PTPRR: variants seen among roughly 807,000 people sequenced by gnomAD.
The protein encoded by PTPRR is receptor-type tyrosine-protein phosphatase R.
PTPRR carries 38 observed loss-of-function variants against 77.2 expected under a neutral mutation model. That is an observed-to-expected ratio of 0.49 (90% CI 0.38 to 0.65). PTPRR has a LOEUF of 0.65. PTPRR is among the 30% of genes least tolerant of loss of function. The probability of loss-of-function intolerance (pLI) is 0.00; values close to 1 mark genes in which losing one functional copy is unlikely to be tolerated. For missense variants in PTPRR, 744 were observed against 799.2 expected, an observed-to-expected ratio of 0.93 and a Z score of 0.83; for synonymous variants, 299 against 283.1, an observed-to-expected ratio of 1.06 and a Z score of -0.57.
At position 70,745,918 on chromosome 12, in the gene PTPRR, C is replaced by G; in HGVS notation, c.907G>C (p.Val303Leu). The change falls in exon 6 of 14, where the codon GTG becomes CTG. Residue 303 changes from valine (V) to leucine (L), a missense_variant. By Grantham distance (32) the Val-to-Leu change is conservative (BLOSUM62 1). Around this residue, in one of 3 missense-constraint regions of PTPRR, gnomAD observed 570 missense variants for 573.2 expected, o/e 0.99. Transcript: ENST00000283228. ...EQAPKVLNVV[V>L]DPQGRGAPEI... ...GGAGCACCTCGGCCTTGAGGGTCCA[C>G]GACAACATTCAGTACCTTTGGGGCC... 1.2e-6 allele frequency: 2 copies of G among 1,613,908 alleles called. No homozygotes were observed. The highest frequency in any genetic ancestry group is 4.5e-5 in the East Asian group (2 of 44,878).
intron 2 of PTPRR, among the ~76,000 whole-genome samples, chr12:70,868,301 T>TA (rs1892895120): frequency 6.6e-6 from 1 of 151,170 alleles, no homozygotes; most frequent in South Asian, 2.1e-4. Flanking sequence ...GACAAAGGGC[T>TA]AATATCCAGA....
At chr12:70,695,548 A>G (rs1201684232) in intron 8 of PTPRR, among the ~76,000 whole-genome samples, 2 of 152,188 alleles carry the variant, frequency 1.3e-5, no homozygotes, top group Admixed American at 6.5e-5. Flanking sequence ...TGTGAACGGA[A>G]AAACTGACAC....
intron 6 of PTPRR, among the ~76,000 whole-genome samples, chr12:70,706,239 C>A (rs952637565): frequency 1.3e-5 from 2 of 151,990 alleles, no homozygotes; most frequent in Admixed American, 6.6e-5. Flanking sequence ...GTAAATTATA[C>A]ATAGTACCAA....
chr12:70,644,568 T>C (rs752555956), intron 13 of PTPRR, among the ~76,000 whole-genome samples: 10 of 152,262 alleles, frequency 6.6e-5, no homozygotes, highest in Non-Finnish European at 1.2e-4. Context: ...CAATAGTTCC[T>C]ACTTTATAGC....
intron 2 of PTPRR, among the ~76,000 whole-genome samples, chr12:70,798,487 C>G (rs994685622): frequency 9.9e-5 from 15 of 152,214 alleles, no homozygotes; most frequent in Admixed American, 5.2e-4. Context: ...GCTTTTACAA[C>G]AGGCTCCACA....
intron 3 of PTPRR, among the ~76,000 whole-genome samples, chr12:70,763,821 A>G (rs553889112): frequency 1.3e-5 from 2 of 152,262 alleles, no homozygotes; most frequent in Admixed American, 1.3e-4. Flanking sequence ...TTACAGAAAG[A>G]CAGTCATCTG....
chr12:70,873,630 TC>T (rs1892999311), intron 2 of PTPRR, among the ~76,000 whole-genome samples: 1 of 152,146 alleles, frequency 6.6e-6, no homozygotes, highest in Non-Finnish European at 1.5e-5. Flanking sequence ...AAGACTAGCT[TC>T]CCTGGGAGAG....
chr12:70,839,317 A>ATGTGTG (rs71817615), intron 2 of PTPRR, among the ~76,000 whole-genome samples: 37 of 150,180 alleles, frequency 2.5e-4, no homozygotes, highest in African/African-American at 6.8e-4. Context: ...TATTCTGGAT[A>ATGTGTG]TGTGTGTGTG....
At chr12:70,821,213 C>CTTGTTTTTTTTTTTTTTTTTTTTTTTT in intron 2 of PTPRR, among the ~76,000 whole-genome samples, 1 of 31,990 alleles carries the variant, frequency 3.1e-5, no homozygotes, top group East Asian at 2.3e-3. Flanking sequence ...GGGATCACTG[C>CTTGTTTTTTTTTTTTTTTTTTTTTTTT]TTTTTTTTTT....
intron 4 of PTPRR, among the ~76,000 whole-genome samples, chr12:70,760,926 A>G (rs1592739216): frequency 6.6e-6 from 1 of 152,170 alleles, no homozygotes. Flanking sequence ...AAAAGCGACA[A>G]ATTTGGAAAA....
chr12:70,753,780 A>G (rs1274898061), intron 5 of PTPRR, among the ~76,000 whole-genome samples: 1 of 152,166 alleles, frequency 6.6e-6, no homozygotes, highest in Non-Finnish European at 1.5e-5. Flanking sequence ...TTCCTTAGGG[A>G]GTAATCTTGT....
intron 10 of PTPRR, among the ~76,000 whole-genome samples, chr12:70,677,183 T>C (rs971369861): frequency 6.6e-6 from 1 of 152,192 alleles, no homozygotes; most frequent in African/African-American, 2.4e-5. Flanking sequence ...GTAGCAATTG[T>C]AAATGGAATT....
chr12:70,698,215 C>G lies in PTPRR; in HGVS notation c.1279+50G>C, dbSNP rs775245519. On this transcript the variant is annotated intron_variant, in intron 8 of 13. Coordinates refer to ENST00000283228, the MANE Select transcript of PTPRR (RefSeq NM_002849.4). Reference sequence around the variant, plus strand: ...ATTAGGTATTTCTCCTAATGGCTATCCCTCCCCTTGCCCCCCATACAATGC... The same window carrying G: ...ATTAGGTATTTCTCCTAATGGCTATGCCTCCCCTTGCCCCCCATACAATGC... The G allele has an allele frequency of 4.0e-6, 6 of 1,505,192 alleles. No homozygotes were observed. In the Admixed American group the frequency reaches 1.0e-4, roughly 25 times the overall value. The allele number at this position is 1,505,192 out of a possible 1,614,324, so 93.2% of individuals were successfully genotyped here.
At position 70,658,957 on chromosome 12, in the gene PTPRR, C is replaced by A. The variant is rs190614340; in HGVS notation, c.1766+1983G>T. Reference sequence around the variant, plus strand: ...CTCTGTCGCACAGGCTGCTGAAATACAGTGGCGGGATCTTGACTCACTGCA... The same window carrying A: ...CTCTGTCGCACAGGCTGCTGAAATAAAGTGGCGGGATCTTGACTCACTGCA... On this transcript the variant is annotated intron_variant, in intron 12 of 13. Coordinates refer to ENST00000283228, the MANE Select transcript of PTPRR (RefSeq NM_002849.4). 1.1e-4 allele frequency among the ~76,000 whole-genome samples: 14 copies of A among 122,666 alleles called. No individual in the cohort carries two copies. The East Asian group carries it at 3.9e-3, about 34-fold the overall frequency. The allele number at this position is 122,666 out of a possible 152,430, so 80.5% of individuals were successfully genotyped here. A position where few individuals can be genotyped will look rare whatever the true frequency, so the allele number is the denominator to read the frequency against.
intron 2 of PTPRR, among the ~76,000 whole-genome samples, chr12:70,874,519 CAA>C (rs1264333014): frequency 6.6e-6 from 1 of 152,018 alleles, no homozygotes; most frequent in Non-Finnish European, 1.5e-5. Flanking sequence ...GTCACAAAAA[CAA>C]AGAGTGATTC....
chr12:70,677,138 T>C (rs1887479668), intron 10 of PTPRR, among the ~76,000 whole-genome samples: 1 of 152,156 alleles, frequency 6.6e-6, no homozygotes, highest in East Asian at 1.9e-4. Flanking sequence ...TTCACCTCTT[T>C]GGTTAGATTT....
chr12:70,747,509 A>G (rs572028242), intron 5 of PTPRR, among the ~76,000 whole-genome samples: 1 of 152,342 alleles, frequency 6.6e-6, no homozygotes, highest in Admixed American at 6.5e-5. Context: ...ATGAATCAAC[A>G]ACGAAAATGG....
rs61539990 is a variant in PTPRR, at chr12:70,821,213, C to CTTTTTTTT, written c.358-56443_358-56436dup. ...CAAAACATGTTGAAAGGGATCACTG[C>CTTTTTTTT]TTTTTTTTTTTTTTTTTTTTTTTTT... On this transcript the variant is annotated intron_variant, in intron 2 of 13. Transcript: ENST00000283228. Among the ~76,000 whole-genome samples the CTTTTTTTT allele has an allele frequency of 9.4e-4, 30 of 31,988 alleles. 5 individuals carry two copies. The South Asian group carries it at 0.011, about 11-fold the overall frequency. The allele number at this position is 31,988 out of a possible 152,430, so 21.0% of individuals were successfully genotyped here.
chr12:70,763,414 G>A (rs1377400134), intron 3 of PTPRR, among the ~76,000 whole-genome samples: 1 of 152,178 alleles, frequency 6.6e-6, no homozygotes, highest in Admixed American at 6.5e-5. Flanking sequence ...TTACAGGCGT[G>A]AGCCACCGGG....
Sources: gnomAD v4.1 joint callset for allele counts (sites outside exome capture counted in the v4.1 genomes callset) on GRCh38, gnomAD v4.1.1 for gene constraint, gnomAD v4.1.1 regional missense constraint, MANE v1.5 for transcripts, NCBI Gene and HGNC (gene_info 2026-07-23, HGNC 2026-07-21) for gene names.